Variants in POFUT1 observed in about 807,000 individuals in gnomAD.
POFUT1 encodes protein O-fucosyltransferase 1.
POFUT1 carries 16 observed loss-of-function variants against 42.4 expected under a neutral mutation model. The observed-to-expected ratio is 0.38, with a 90% CI of 0.26 to 0.57. POFUT1 has a LOEUF of 0.57. Among genes scored for constraint, POFUT1 ranks in the 20% least tolerant of loss-of-function variants. The pLI is 0.71. For synonymous variants in POFUT1, 206 were observed against 205.4 expected (o/e 1.00, Z -0.03); for missense variants, 470 against 504.6 (o/e 0.93, Z 0.66).
In POFUT1 at chr20:32,228,326, A is replaced by G. The variant is rs2122596448; in HGVS notation, c.606A>G (p.Leu202=). The G allele has an allele frequency of 1.2e-6, 2 of 1,613,966 alleles. No individual in the cohort carries two copies. The highest frequency in any genetic ancestry group is 8.5e-7 in the Non-Finnish European group (1 of 1,179,866). The change falls in exon 5 of 7, where the codon CTA becomes CTG. Residue 202 remains leucine, a synonymous_variant. Coordinates refer to ENST00000375749, the MANE Select transcript of POFUT1 (RefSeq NM_015352.2). ...GAGCCCCAGCCCAGTTCCCCGTCCT[A>G]GAGGAACACAGGCCACTACAGAAGT... ...LPGAPAQFPV[L]EEHRPLQKYM...
At chr20:32,208,861 A>G (rs892524786) in intron 1 of POFUT1, among the ~76,000 whole-genome samples, 8 of 152,196 alleles carry the variant, frequency 5.3e-5, no homozygotes, top group Non-Finnish European at 1.2e-4. Flanking sequence ...AAAAAGGGGT[A>G]AACATAAAAC....
intron 2 of POFUT1, among the ~76,000 whole-genome samples, chr20:32,212,210 T>C (rs1271221032): frequency 2.6e-5 from 4 of 152,206 alleles, no homozygotes; most frequent in Admixed American, 1.3e-4. Context: ...CTCTTCTCCG[T>C]GTACCTCCCA....
intron 6 of POFUT1, among the ~76,000 whole-genome samples, 159 bp from the exon 7 acceptor site, chr20:32,234,314 C>T (rs1367580052): frequency 6.6e-6 from 1 of 152,230 alleles, no homozygotes; most frequent in Non-Finnish European, 1.5e-5. Context: ...TAGGCAGCAG[C>T]TGGGCAATGC....
intron 2 of POFUT1, 123 bp downstream of exon 2, chr20:32,210,315 A>G (rs2047320745): frequency 2.1e-6 from 2 of 962,356 alleles, no homozygotes; most frequent in South Asian, 1.4e-5. Context: ...ACCTCCAGCC[A>G]GAACTGTCTT....
intron 5 of POFUT1, among the ~76,000 whole-genome samples, chr20:32,230,153 C>T (rs1600393968): frequency 6.6e-6 from 1 of 151,462 alleles, no homozygotes; most frequent in African/African-American, 2.4e-5. Context: ...TCAGGGAGGC[C>T]GAGGCAGGCG....
At chr20:32,234,081 G>A (rs1244137188) in intron 6 of POFUT1, among the ~76,000 whole-genome samples, 1 of 152,216 alleles carries the variant, frequency 6.6e-6, no homozygotes, top group Non-Finnish European at 1.5e-5. Flanking sequence ...CTACTTGGGA[G>A]GCTGAGGTGG....
chr20:32,222,364 C>G (rs6058560), intron 4 of POFUT1, among the ~76,000 whole-genome samples: 10,315 of 152,168 alleles, frequency 0.068, 1,218 homozygotes, highest in African/African-American at 0.24. Flanking sequence ...ATTAGCTTTT[C>G]TATCACCTCA....
At chr20:32,214,988 A>G (rs2047351022) in intron 2 of POFUT1, among the ~76,000 whole-genome samples, 1 of 152,126 alleles carries the variant, frequency 6.6e-6, no homozygotes, top group South Asian at 2.1e-4. Flanking sequence ...CCTGGGTTCA[A>G]GCAGTTCTCC....
chr20:32,234,650 G>A lies in POFUT1; in HGVS notation c.1156G>A (p.Asp386Asn), dbSNP rs1441750738. Residue 386 changes from aspartate to asparagine, a missense_variant, in exon 7 of 7, where the codon GAC becomes AAC. Coordinates refer to ENST00000375749, the MANE Select transcript of POFUT1 (RefSeq NM_015352.2). ...CATGGACAGGCCCCCTAAGCTGCGG[G>A]ACGAGTTCTGATTCTGGCCGGAGCA... ...FGMDRPPKLR[D>N]EF is the part of the protein sequence containing the mutation. The A allele has an allele frequency of 6.2e-7, 1 of 1,607,294 alleles. No homozygotes were observed. The highest frequency in any genetic ancestry group is 8.5e-7 in the Non-Finnish European group (1 of 1,176,314).
Position 32,210,285 on chromosome 20 carries a change from C to G in POFUT1, c.246+93C>G, listed in dbSNP as rs1600382692. On this transcript the variant is annotated intron_variant, in intron 2 of 6. Transcript: ENST00000375749. ...CTCAAGTCCTCTGGGCTTTACCTCC[C>G]ACTCCTCTGAGATTTCCCTACCTCC... 9.1e-6 allele frequency: 12 copies of G among 1,313,026 alleles called. No individual in the cohort carries two copies. The East Asian group carries it at 2.8e-4, about 30-fold the overall frequency. The allele number at this position is 1,313,026 out of a possible 1,614,324, so 81.3% of individuals were successfully genotyped here.
At chr20:32,230,457 G>A (rs1306396936) in intron 5 of POFUT1, among the ~76,000 whole-genome samples, 1 of 151,458 alleles carries the variant, frequency 6.6e-6, no homozygotes, top group Non-Finnish European at 1.5e-5. Flanking sequence ...CACTTTGGGA[G>A]GCCAAGGTGG....
At chr20:32,228,044 AT>A (rs1344724096) in intron 4 of POFUT1, among the ~76,000 whole-genome samples, 3 of 152,166 alleles carry the variant, frequency 2.0e-5, no homozygotes, top group Non-Finnish European at 4.4e-5. Flanking sequence ...TGTAAATTCC[AT>A]GTGGCGGGAC....
chr20:32,210,558 G>A (rs2122562158), intron 2 of POFUT1, among the ~76,000 whole-genome samples: 1 of 152,290 alleles, frequency 6.6e-6, no homozygotes, highest in Non-Finnish European at 1.5e-5. Flanking sequence ...TTCCTTCCCT[G>A]ATTGGTCCTA....
chr20:32,234,197 G>A (rs993365273), intron 6 of POFUT1, among the ~76,000 whole-genome samples: 10 of 152,196 alleles, frequency 6.6e-5, no homozygotes, highest in African/African-American at 2.4e-4. Context: ...TTTAATGGGT[G>A]TTGAAGCAGC....
chr20:32,233,601 C>T (rs59752653), intron 6 of POFUT1, among the ~76,000 whole-genome samples: 4,644 of 152,196 alleles, frequency 0.031, 268 homozygotes, highest in African/African-American at 0.11. Flanking sequence ...GGTGAGCAGA[C>T]CAGGAGAGGC....
At position 32,234,536 on chromosome 20, in the gene POFUT1, G is replaced by T; in HGVS notation, c.1042G>T (p.Asp348Tyr). The T allele has an allele frequency of 1.9e-6, 3 of 1,614,102 alleles. No individual in the cohort carries two copies. The highest frequency in any genetic ancestry group is 2.5e-6 in the Non-Finnish European group (3 of 1,179,966). Residue 348 changes from aspartate to tyrosine, a missense_variant, in exon 7 of 7, where the codon GAC becomes TAC. Physicochemically the swap from Asp to Tyr is radical, Grantham distance 160 (BLOSUM62 -3). Transcript: ENST00000375749. ...CGACCTGTACATCCTCGGCCAAGCCGACCACTTTATTGGCAACTGTGTCTC... is the reference window on the plus strand; with the variant it reads ...CGACCTGTACATCCTCGGCCAAGCCTACCACTTTATTGGCAACTGTGTCTC... ...QVDLYILGQA[D>Y]HFIGNCVSSF... is the part of the protein sequence containing the mutation.
chr20:32,234,408 G>A, intron 6 of POFUT1, 65 bp from the exon 7 acceptor site: 1 of 1,391,770 alleles, frequency 7.2e-7, no homozygotes, highest in Non-Finnish European at 9.9e-7. Context: ...TAAGGTTGGG[G>A]GTGTGGATGG....
At chr20:32,211,380 T>G (rs56262286) in intron 2 of POFUT1, among the ~76,000 whole-genome samples, 2,206 of 152,148 alleles carry the variant, frequency 0.014, 43 homozygotes, top group African/African-American at 0.049. Context: ...TTCAAGCGAT[T>G]CTCCTGCCTC....
At chr20:32,213,029 G>A (rs947405275) in intron 2 of POFUT1, among the ~76,000 whole-genome samples, 4 of 151,994 alleles carry the variant, frequency 2.6e-5, no homozygotes, top group Admixed American at 1.3e-4. Flanking sequence ...GGGATTACAG[G>A]TGCCCACCAC....
Sources: allele counts gnomAD v4.1 joint callset (sites outside exome capture counted in the v4.1 genomes callset), GRCh38; gene constraint gnomAD v4.1.1; transcripts MANE v1.5; gene names NCBI Gene and HGNC (gene_info 2026-07-23, HGNC 2026-07-21).